FAM107B: variants seen among roughly 807,000 people sequenced by gnomAD.
The protein encoded by FAM107B is family with sequence similarity 107 member B.
Under a neutral mutation model 31.5 loss-of-function variants are expected in FAM107B, and 21 were observed. The ratio of observed to expected loss-of-function variants is 0.67; its 90% CI spans 0.47 to 0.96. The LOEUF is 0.96. FAM107B is among the 40% of genes least tolerant of loss of function. FAM107B has a pLI of 0.00. For synonymous variants in FAM107B, 157 were observed against 141.5 expected (o/e 1.11, Z -0.78); for missense variants, 452 against 377.1 (o/e 1.20, Z -1.64).
At chr10:14,737,959 C>T (rs191117645) in intron 1 of FAM107B, among the ~76,000 whole-genome samples, 59 of 152,248 alleles carry the variant, frequency 3.9e-4, no homozygotes, top group Non-Finnish European at 5.9e-5. Context: ...AAAACTCGGT[C>T]TCTAGGCGTT....
At chr10:14,622,265 A>G (rs528998565) in intron 2 of FAM107B, among the ~76,000 whole-genome samples, 32 of 152,104 alleles carry the variant, frequency 2.1e-4, no homozygotes, top group South Asian at 1.0e-3. Flanking sequence ...ACATAATACA[A>G]TAAATGCTGT....
At chr10:14,737,536 C>G (rs1362613608) in intron 1 of FAM107B, among the ~76,000 whole-genome samples, 1 of 151,952 alleles carries the variant, frequency 6.6e-6, no homozygotes, top group Non-Finnish European at 1.5e-5. Context: ...ATTGCTTGAA[C>G]CTGGGAGAAG....
At chr10:14,752,019 C>A (rs1176172439) in intron 1 of FAM107B, among the ~76,000 whole-genome samples, 1 of 152,170 alleles carries the variant, frequency 6.6e-6, no homozygotes, top group Non-Finnish European at 1.5e-5. Flanking sequence ...TTTTGAAATA[C>A]CCACTGGTTT....
In FAM107B at chr10:14,774,243, A is replaced by T. The variant is rs779279385; in HGVS notation, c.411+10T>A. 1 of 1,596,250 alleles carries T rather than the reference A, an allele frequency of 6.3e-7. No individual in the cohort carries two copies. On this transcript the variant is annotated intron_variant, in intron 1 of 4. Transcript: ENST00000181796. ...TCCCGTCTATAATCGCAGAGCGAAC[A>T]CTCACTCACCTTGGGCGTGTCAATA...
intron 2 of FAM107B, among the ~76,000 whole-genome samples, chr10:14,542,366 C>T (rs1200653164): frequency 6.6e-6 from 1 of 152,068 alleles, no homozygotes; most frequent in Non-Finnish European, 1.5e-5. Flanking sequence ...TCTTCCCTGG[C>T]TCCTCCTCAG....
intron 1 of FAM107B, among the ~76,000 whole-genome samples, chr10:14,764,120 G>C (rs1219982824): frequency 6.6e-6 from 1 of 152,200 alleles, no homozygotes; most frequent in African/African-American, 2.4e-5. Context: ...ATTAACTCTA[G>C]GTGTTCATAT....
At chr10:14,591,158 A>T (rs76247953) in intron 2 of FAM107B, among the ~76,000 whole-genome samples, 2,705 of 152,300 alleles carry the variant, frequency 0.018, 74 homozygotes, top group African/African-American at 0.061. Context: ...CAGAAAATTT[A>T]AAATGACAAT....
At chr10:14,538,007 A>C (rs1328698935) in intron 2 of FAM107B, among the ~76,000 whole-genome samples, 3 of 152,164 alleles carry the variant, frequency 2.0e-5, no homozygotes, top group Admixed American at 6.5e-5. Flanking sequence ...GAGCAGGACC[A>C]AGATTTGACC....
At chr10:14,558,177 C>G (rs1469781833) in intron 2 of FAM107B, among the ~76,000 whole-genome samples, 1 of 141,128 alleles carries the variant, frequency 7.1e-6, no homozygotes, top group African/African-American at 2.5e-5. Flanking sequence ...GCCTCCCCAC[C>G]AGTGTGTGTG....
chr10:14,702,364 A>T (rs1045233496), intron 1 of FAM107B, among the ~76,000 whole-genome samples: 36 of 151,806 alleles, frequency 2.4e-4, no homozygotes, highest in Admixed American at 3.3e-4. Flanking sequence ...TGTTTATTTT[A>T]TTTTTTTTGA....
rs1342212687 is a variant in FAM107B, at chr10:14,732,677, C to CT, written c.411+41575dup. 4.0e-5 allele frequency among the ~76,000 whole-genome samples: 6 copies of CT among 151,494 alleles called. No homozygotes were observed. The East Asian group carries it at 1.2e-3, about 29-fold the overall frequency. On this transcript the variant is annotated intron_variant, in intron 1 of 4. Coordinates refer to ENST00000181796, the MANE Select transcript of FAM107B (RefSeq NM_031453.4). ...TCTTGCTGATGGGAACATAGACTGT[C>CT]TGAGTGCAAAGTACAAATATTTAGA...
intron 1 of FAM107B, among the ~76,000 whole-genome samples, chr10:14,719,560 C>T (rs1855863110): frequency 6.6e-6 from 1 of 152,230 alleles, no homozygotes; most frequent in Non-Finnish European, 1.5e-5. Context: ...TCAGCCTCAT[C>T]CTGTTCCTCC....
intron 2 of FAM107B, among the ~76,000 whole-genome samples, chr10:14,557,417 G>A (rs1324174507): frequency 6.6e-6 from 1 of 152,184 alleles, no homozygotes; most frequent in African/African-American, 2.4e-5. Context: ...TACTAAACTG[G>A]TCACAGTGCG....
intron 2 of FAM107B, among the ~76,000 whole-genome samples, chr10:14,559,009 C>G (rs1849965275): frequency 6.6e-6 from 1 of 151,318 alleles, no homozygotes; most frequent in South Asian, 2.1e-4. Context: ...TGTGAACCAA[C>G]TGGCCTAAGC....
chr10:14,617,027 A>C (rs1199979171), intron 2 of FAM107B, among the ~76,000 whole-genome samples: 1 of 152,158 alleles, frequency 6.6e-6, no homozygotes, highest in Non-Finnish European at 1.5e-5. Context: ...GAGAAGAAAA[A>C]GGAGAGGAGC....
chr10:14,602,448 G>T (rs1436586409), intron 2 of FAM107B: 1 of 152,176 alleles, frequency 6.6e-6, no homozygotes, highest in Non-Finnish European at 1.5e-5. Flanking sequence ...AGCGTCCAGT[G>T]GCCAAATCTG....
chr10:14,525,897 G>A (rs912618395), intron 3 of FAM107B, among the ~76,000 whole-genome samples: 1 of 152,172 alleles, frequency 6.6e-6, no homozygotes, highest in African/African-American at 2.4e-5. Flanking sequence ...CCCAGAGTAT[G>A]AAACATACAG....
chr10:14,762,660 G>A (rs1353825395), intron 1 of FAM107B, among the ~76,000 whole-genome samples: 1 of 151,776 alleles, frequency 6.6e-6, no homozygotes, highest in African/African-American at 2.4e-5. Context: ...AAAGGCTGAG[G>A]CAGGAGAATA....
At chr10:14,576,465 T>G (rs1851468535) in intron 2 of FAM107B, among the ~76,000 whole-genome samples, 1 of 152,058 alleles carries the variant, frequency 6.6e-6, no homozygotes, top group Admixed American at 6.6e-5. Context: ...AGGCGGAGGC[T>G]GCAGTGAGGG....
Sources: allele counts gnomAD v4.1 joint callset (sites outside exome capture counted in the v4.1 genomes callset), GRCh38; gene constraint gnomAD v4.1.1; transcripts MANE v1.5; gene names NCBI Gene and HGNC (gene_info 2026-07-23, HGNC 2026-07-21).